The following NAA11 variants were observed in gnomAD, a reference collection of about 807,000 sequenced individuals.
NAA11 encodes the protein N-alpha-acetyltransferase 11, NatA catalytic subunit.
NAA11 carries 15 observed loss-of-function variants against 16.1 expected under a neutral mutation model. The observed-to-expected ratio is 0.93, with a 90% confidence interval of 0.62 to 1.44. The LOEUF (loss-of-function observed/expected upper bound fraction) is 1.44, where lower values mean the gene tolerates loss of function less well. Ranked by LOEUF, NAA11 falls within the 40% of genes most tolerant of loss-of-function variation. The pLI is 0.00. For synonymous variants in NAA11, 122 were observed against 112.4 expected (o/e 1.09, Z -0.54); for missense variants, 298 against 291.3 (o/e 1.02, Z -0.17).
At chr4:79,307,904 T>C (rs1190640543) in intron 1 of NAA11, among the ~76,000 whole-genome samples, 1 of 152,210 alleles carries the variant, frequency 6.6e-6, no homozygotes, top group African/African-American at 2.4e-5. Flanking sequence ...GGATCCTATA[T>C]TGAAAATGTA....
At chr4:79,160,182 G>A in the NAA11 span, among the ~76,000 whole-genome samples, 1 of 151,896 alleles carries the variant, frequency 6.6e-6, no homozygotes, top group South Asian at 2.1e-4. Flanking sequence ...AGTAGAGATG[G>A]GGTTTCACCA....
the NAA11 span, among the ~76,000 whole-genome samples, chr4:79,177,143 T>G: frequency 6.6e-6 from 1 of 151,234 alleles, no homozygotes; most frequent in African/African-American, 2.4e-5. Context: ...TATGTGTGTG[T>G]CTGTGTGTAT....
At chr4:79,310,224 AAAT>A (rs1175258589) in intron 1 of NAA11, among the ~76,000 whole-genome samples, 5 of 152,232 alleles carry the variant, frequency 3.3e-5, no homozygotes, top group Non-Finnish European at 5.9e-5. Flanking sequence ...TTCTGCCAAA[AAAT>A]AATATTCAAA....
At chr4:79,276,395 T>G (rs1270590868) in intron 2 of NAA11, among the ~76,000 whole-genome samples, 1 of 151,820 alleles carries the variant, frequency 6.6e-6, no homozygotes, top group East Asian at 1.9e-4. Context: ...GAGTAATAAG[T>G]CTTACCAAGC....
At chr4:79,259,144 A>C (rs910757721) in intron 2 of NAA11, 1 of 152,894 alleles carries the variant, frequency 6.5e-6, no homozygotes, top group Non-Finnish European at 1.5e-5. Flanking sequence ...TCCTGTATGC[A>C]GGACAAGAAC....
intron 2 of NAA11, among the ~76,000 whole-genome samples, chr4:79,272,382 T>C (rs1283213580): frequency 2.0e-5 from 3 of 152,028 alleles, no homozygotes; most frequent in South Asian, 2.1e-4. Flanking sequence ...CTGTCAGATA[T>C]ATATTTAGAC....
chr4:79,248,533 A>G (rs1191319456), intron 2 of NAA11, among the ~76,000 whole-genome samples: 1 of 152,116 alleles, frequency 6.6e-6, no homozygotes, highest in African/African-American at 2.4e-5. Flanking sequence ...CTGTGCCACA[A>G]TTGCCACTGG....
chr4:79,263,513 T>C (rs892851240), intron 2 of NAA11, among the ~76,000 whole-genome samples: 2 of 152,180 alleles, frequency 1.3e-5, no homozygotes, highest in African/African-American at 4.8e-5. Flanking sequence ...GCAAGACTAA[T>C]GTGGTTGTAA....
At position 79,325,662 on chromosome 4, in the gene NAA11, G is replaced by A. The variant is rs1197320083; in HGVS notation, c.216C>T (p.Ile72=). The A allele has an allele frequency of 1.2e-6, 2 of 1,614,092 alleles. No individual in the cohort carries two copies. Among genetic ancestry groups the A allele is most frequent in the Non-Finnish European group, 1.7e-6 (2 of 1,179,964 alleles). ...EEPDDVPHGH[I]TSLAVKRSHR... is the part of the protein sequence containing the mutation. ...GTGAACGCTTCACGGCCAGTGAGGT[G>A]ATATGGCCATGCGGGACATCATCTG... The change falls in exon 1 of 2, where the codon ATC becomes ATT. Residue 72 remains isoleucine, a synonymous_variant. Coordinates refer to ENST00000286794, the MANE Select transcript of NAA11 (RefSeq NM_032693.3).
chr4:79,227,901 G>A (rs1302945672), intron 2 of NAA11: 5 of 151,966 alleles, frequency 3.3e-5, no homozygotes, highest in Admixed American at 2.6e-4. Flanking sequence ...ATGAAAATAT[G>A]TAGGTATTTC....
intron 2 of NAA11, among the ~76,000 whole-genome samples, chr4:79,229,387 C>T (rs1196964824): frequency 1.4e-5 from 1 of 70,754 alleles, no homozygotes; most frequent in Non-Finnish European, 4.5e-5. Context: ...GGGACTATTT[C>T]TGGACTGTCT....
chr4:79,317,966 A>G (rs892352796), intron 1 of NAA11, among the ~76,000 whole-genome samples, 175 bp from the exon 2 acceptor site: 1 of 152,184 alleles, frequency 6.6e-6, no homozygotes, highest in African/African-American at 2.4e-5. Context: ...ATGACTGCAC[A>G]AAGACCACAC....
the NAA11 span, among the ~76,000 whole-genome samples, chr4:79,186,355 C>G: frequency 1.3e-5 from 2 of 152,106 alleles, no homozygotes; most frequent in Admixed American, 1.3e-4. Context: ...GAATTCGAAG[C>G]TGTTGGCAAG....
chr4:79,246,395 A>G lies in NAA11; in HGVS notation c.*123-20125T>C, dbSNP rs1334585939. Among the ~76,000 whole-genome samples the G allele has an allele frequency of 8.7e-5, 3 of 34,590 alleles. 1 individual carries two copies. Among genetic ancestry groups the G allele is most frequent in the Non-Finnish European group, 2.4e-4 (3 of 12,666 alleles). The allele number at this position is 34,590 out of a possible 152,430, so 22.7% of individuals were successfully genotyped here. ...TAAATACTAAAAAAAAAAAAAAAAA[A>G]AAAAGAAAAAATAAGAATTTGAGCA... On this transcript the variant is annotated intron_variant and NMD_transcript_variant, in intron 2 of 2. Coordinates refer to the NAA11 transcript ENST00000511542.
At chr4:79,264,024 G>C (rs1722291923) in intron 2 of NAA11, among the ~76,000 whole-genome samples, 1 of 152,124 alleles carries the variant, frequency 6.6e-6, no homozygotes. Context: ...TGGGATTATA[G>C]GCATGAGCCA....
the NAA11 span, among the ~76,000 whole-genome samples, chr4:79,180,364 A>G: frequency 6.6e-6 from 1 of 152,212 alleles, no homozygotes. Flanking sequence ...TCACAAATCT[A>G]TAGTTTATAT....
At chr4:79,216,073 T>G in the NAA11 span, among the ~76,000 whole-genome samples, 1 of 152,136 alleles carries the variant, frequency 6.6e-6, no homozygotes. Context: ...CACAAATAAT[T>G]TTATTTTAAA....
chr4:79,256,632 C>A (rs1722110909), intron 2 of NAA11, among the ~76,000 whole-genome samples: 1 of 97,494 alleles, frequency 1.0e-5, no homozygotes. Flanking sequence ...TTAAAATGAA[C>A]CATATATATA....
chr4:79,185,385 CA>C, the NAA11 span, among the ~76,000 whole-genome samples: 2 of 152,108 alleles, frequency 1.3e-5, no homozygotes, highest in African/African-American at 4.8e-5. Flanking sequence ...TTTTGGGTTT[CA>C]AGATGTAATG....
Sources: gnomAD v4.1 joint callset for allele counts (sites outside exome capture counted in the v4.1 genomes callset) on GRCh38, gnomAD v4.1.1 for gene constraint, MANE v1.5 for transcripts, NCBI Gene and HGNC (gene_info 2026-07-23, HGNC 2026-07-21) for gene names.